The following CNTNAP5 variants were observed in gnomAD, a reference collection of about 807,000 sequenced individuals.
CNTNAP5 encodes the protein contactin associated protein family member 5, also known as contactin-associated protein-like 5.
CNTNAP5 carries 72 observed loss-of-function variants against 150.2 expected under a neutral mutation model. The ratio of observed to expected loss-of-function variants is 0.48; its 90% CI spans 0.40 to 0.58. CNTNAP5 has a LOEUF of 0.58. Ranked by LOEUF, CNTNAP5 falls within the 20% of genes least tolerant of loss-of-function variation. The pLI is 0.00. For synonymous variants in CNTNAP5, 672 were observed against 619.8 expected, an observed-to-expected ratio of 1.08 and a Z score of -1.25; for missense variants, 1,636 against 1,626.2, an observed-to-expected ratio of 1.01 and a Z score of -0.10.
At chr2:124,102,130 C>T (rs977856216) in intron 1 of CNTNAP5, among the ~76,000 whole-genome samples, 1 of 152,132 alleles carries the variant, frequency 6.6e-6, no homozygotes, top group Admixed American at 6.5e-5. Context: ...ACCCCCTGAA[C>T]CAGAATTAAA....
At chr2:124,503,276 ACAAACATGGTTGG>A (rs1694318249) in intron 7 of CNTNAP5, among the ~76,000 whole-genome samples, 1 of 152,218 alleles carries the variant, frequency 6.6e-6, no homozygotes, top group Non-Finnish European at 1.5e-5. Flanking sequence ...ACTGTCATAA[ACAAACATGGTTGG>A]CACCTACGGA....
chr2:124,568,667 T>C (rs2104936727), intron 11 of CNTNAP5, among the ~76,000 whole-genome samples: 1 of 152,350 alleles, frequency 6.6e-6, no homozygotes, highest in South Asian at 2.1e-4. Context: ...TTTGTCTTTC[T>C]TATTCTGGTG....
chr2:124,656,522 G>C (rs147855765), intron 13 of CNTNAP5, among the ~76,000 whole-genome samples: 62 of 152,220 alleles, frequency 4.1e-4, no homozygotes, highest in African/African-American at 1.4e-3. Flanking sequence ...GTATTTCACT[G>C]GGGACTTGAA....
intron 1 of CNTNAP5, among the ~76,000 whole-genome samples, chr2:124,034,178 G>A (rs1681143335): frequency 6.6e-6 from 1 of 152,172 alleles, no homozygotes; most frequent in African/African-American, 2.4e-5. Context: ...CTCATTCTGT[G>A]AATATGTTCT....
chr2:124,624,449 A>G (rs1677678340), intron 12 of CNTNAP5, among the ~76,000 whole-genome samples: 1 of 152,028 alleles, frequency 6.6e-6, no homozygotes, highest in African/African-American at 2.4e-5. Context: ...CTTCTCATTT[A>G]TGTATTCATT....
At chr2:124,796,604 A>G (rs1293173456) in intron 18 of CNTNAP5, among the ~76,000 whole-genome samples, 1 of 152,226 alleles carries the variant, frequency 6.6e-6, no homozygotes, top group Non-Finnish European at 1.5e-5. Context: ...TAAATATGCA[A>G]CTTTAATTTT....
chr2:124,607,620 G>C (rs1232270507), intron 11 of CNTNAP5, among the ~76,000 whole-genome samples: 1 of 152,140 alleles, frequency 6.6e-6, no homozygotes, highest in Non-Finnish European at 1.5e-5. Context: ...GCACAGGTGG[G>C]GTAGCTTGTC....
intron 10 of CNTNAP5, among the ~76,000 whole-genome samples, chr2:124,550,911 A>C (rs541895394): frequency 1.3e-5 from 2 of 152,132 alleles, no homozygotes; most frequent in Admixed American, 1.3e-4. Context: ...TCATAGGCTC[A>C]GGTGGTTTGT....
intron 1 of CNTNAP5, among the ~76,000 whole-genome samples, chr2:124,114,003 G>A (rs1022691545): frequency 3.1e-4 from 47 of 151,618 alleles, no homozygotes; most frequent in African/African-American, 1.1e-3. Context: ...TGCCAATATC[G>A]CATGTCCTAA....
At position 124,513,416 on chromosome 2, in the gene CNTNAP5, C is replaced by T. The variant is rs114463797; in HGVS notation, c.1327+8860C>T. ...TTAACATACGCATTTTGCAGGGACA[C>T]GATTCAGCTCATGCAATGTATATTA... On this transcript the variant is annotated intron_variant, in intron 8 of 23. Coordinates refer to ENST00000682447, the MANE Select transcript of CNTNAP5 (RefSeq NM_001367498.1). Among the ~76,000 whole-genome samples the T allele has an allele frequency of 3.1e-3, 474 of 152,292 alleles. 3 individuals carry two copies. The highest frequency in any genetic ancestry group is 0.01 in the African/African-American group (418 of 41,568).
At chr2:124,187,680 T>C (rs1020334120) in intron 1 of CNTNAP5, among the ~76,000 whole-genome samples, 4 of 152,234 alleles carry the variant, frequency 2.6e-5, no homozygotes, top group Admixed American at 1.3e-4. Context: ...CATATACTTT[T>C]ACATCCACAG....
intron 1 of CNTNAP5, among the ~76,000 whole-genome samples, chr2:124,115,002 A>T (rs1051844003): frequency 2.0e-5 from 3 of 151,954 alleles, no homozygotes; most frequent in Non-Finnish European, 4.4e-5. Context: ...AGCTCTATAT[A>T]TCTAGAGATC....
intron 5 of CNTNAP5, among the ~76,000 whole-genome samples, chr2:124,445,139 G>A (rs539280745): frequency 1.3e-5 from 2 of 150,446 alleles, no homozygotes; most frequent in African/African-American, 2.5e-5. Context: ...GCCCAGGCTG[G>A]AGTGCAGTGG....
intron 2 of CNTNAP5, among the ~76,000 whole-genome samples, chr2:124,237,596 G>A (rs188582270): frequency 6.6e-6 from 1 of 152,282 alleles, no homozygotes; most frequent in Non-Finnish European, 1.5e-5. Context: ...CACTCAGGGA[G>A]GCTGAGATGG....
At chr2:124,195,609 C>T (rs1685563712) in intron 1 of CNTNAP5, among the ~76,000 whole-genome samples, 1 of 152,052 alleles carries the variant, frequency 6.6e-6, no homozygotes, top group Non-Finnish European at 1.5e-5. Flanking sequence ...TCCTTTCACA[C>T]ATATTAAATA....
At chr2:124,190,736 A>G (rs1685439825) in intron 1 of CNTNAP5, among the ~76,000 whole-genome samples, 1 of 152,242 alleles carries the variant, frequency 6.6e-6, no homozygotes, top group Non-Finnish European at 1.5e-5. Context: ...TCATAGATCT[A>G]TTAAATAATA....
intron 21 of CNTNAP5, among the ~76,000 whole-genome samples, chr2:124,879,738 C>T (rs745644770): frequency 4.3e-4 from 65 of 152,104 alleles, no homozygotes; most frequent in Non-Finnish European, 6.8e-4. Flanking sequence ...ATCATACAAC[C>T]ATGCTGCCTA....
intron 14 of CNTNAP5, among the ~76,000 whole-genome samples, chr2:124,759,209 A>C (rs979439483): frequency 6.6e-6 from 1 of 151,806 alleles, no homozygotes; most frequent in Non-Finnish European, 1.5e-5. Flanking sequence ...TTTTGGAATC[A>C]TCAAGATCTA....
chr2:124,155,975 G>A (rs1422291247), intron 1 of CNTNAP5, among the ~76,000 whole-genome samples: 1 of 152,200 alleles, frequency 6.6e-6, no homozygotes, highest in Non-Finnish European at 1.5e-5. Flanking sequence ...GAGATAATGT[G>A]CGTGGCCAGC....
Sources: gnomAD v4.1 joint callset for allele counts (sites outside exome capture counted in the v4.1 genomes callset) on GRCh38, gnomAD v4.1.1 for gene constraint, MANE v1.5 for transcripts, NCBI Gene and HGNC (gene_info 2026-07-23, HGNC 2026-07-21) for gene names.